LRRC69: variants seen among roughly 807,000 people sequenced by gnomAD.
LRRC69 encodes the protein leucine-rich repeat-containing protein 69.
In LRRC69, 42 loss-of-function variants were observed where a neutral mutation model predicts 37.8. The ratio of observed to expected loss-of-function variants is 1.11; its 90% CI spans 0.87 to 1.44. LRRC69 has a LOEUF of 1.44. Among genes scored for constraint, LRRC69 ranks in the 40% most tolerant of loss-of-function variants. LRRC69 has a pLI of 0.00. For synonymous variants in LRRC69, 141 were observed against 143.1 expected (o/e 0.99, Z 0.11); for missense variants, 357 against 401.9 (o/e 0.89, Z 0.96).
intron 2 of LRRC69, 149 bp downstream of exon 2, chr8:91,124,768 CA>C (rs1813690566): frequency 4.9e-6 from 3 of 616,372 alleles, no homozygotes; most frequent in Non-Finnish European, 8.0e-6. Context: ...TAGGAGGAGA[CA>C]ACACTTTTAA....
At chr8:91,107,761 C>A (rs1421675663) in intron 1 of LRRC69, among the ~76,000 whole-genome samples, 1 of 151,976 alleles carries the variant, frequency 6.6e-6, no homozygotes, top group African/African-American at 2.4e-5. Flanking sequence ...TCAGTCACTT[C>A]TAATGACAAT....
At chr8:91,174,214 C>T (rs961194939) in intron 5 of LRRC69, among the ~76,000 whole-genome samples, 5 of 151,966 alleles carry the variant, frequency 3.3e-5, no homozygotes, top group African/African-American at 1.2e-4. Flanking sequence ...AATCCTTTCC[C>T]CAGCCTGTAA....
At chr8:91,191,075 C>T (rs1377783854) in intron 6 of LRRC69, among the ~76,000 whole-genome samples, 1 of 133,914 alleles carries the variant, frequency 7.5e-6, no homozygotes, top group African/African-American at 2.7e-5. Flanking sequence ...GCAACAACAA[C>T]AAAAAGCAAA....
chr8:91,160,463 T>C (rs376193062), intron 5 of LRRC69, among the ~76,000 whole-genome samples: 1 of 151,160 alleles, frequency 6.6e-6, no homozygotes, highest in East Asian at 2.0e-4. Context: ...CCAAATCTCA[T>C]GTTGAATTGT....
intron 4 of LRRC69, among the ~76,000 whole-genome samples, chr8:91,133,598 T>C (rs975919990): frequency 1.3e-5 from 2 of 152,126 alleles, no homozygotes; most frequent in African/African-American, 4.8e-5. Flanking sequence ...AAATATTGCA[T>C]GGAATAGACT....
chr8:91,188,248 G>C (rs938167704), intron 5 of LRRC69, among the ~76,000 whole-genome samples: 4 of 152,128 alleles, frequency 2.6e-5, no homozygotes, highest in Non-Finnish European at 5.9e-5. Flanking sequence ...CTGTACTTTT[G>C]AAACCTAATG....
intron 5 of LRRC69, among the ~76,000 whole-genome samples, chr8:91,146,461 T>C (rs1421707893): frequency 6.6e-6 from 1 of 151,850 alleles, no homozygotes; most frequent in African/African-American, 2.4e-5. Flanking sequence ...AAAAATATTA[T>C]AAAGAGAGTC....
At chr8:91,149,660 A>G (rs1217242973) in intron 5 of LRRC69, among the ~76,000 whole-genome samples, 1 of 151,920 alleles carries the variant, frequency 6.6e-6, no homozygotes, top group Non-Finnish European at 1.5e-5. Context: ...CATTGAATCT[A>G]TAAATTACCT....
intron 5 of LRRC69, chr8:91,139,288 T>C (rs1808487666): frequency 1.3e-5 from 2 of 151,812 alleles, no homozygotes; most frequent in African/African-American, 2.4e-5. Context: ...ACGCCTGTAA[T>C]CCCAGCACTT....
At chr8:91,200,901 G>A in intron 7 of LRRC69, 109 bp downstream of exon 7, 2 of 1,009,594 alleles carry the variant, frequency 2.0e-6, no homozygotes, top group Non-Finnish European at 2.7e-6. Flanking sequence ...TGGCTTATAG[G>A]ATAGTATACT....
chr8:91,112,885 A>T (rs1813433607), intron 1 of LRRC69, among the ~76,000 whole-genome samples: 1 of 152,076 alleles, frequency 6.6e-6, no homozygotes, highest in Non-Finnish European at 1.5e-5. Context: ...GTTGCAGGTT[A>T]TAAAATCAAC....
At chr8:91,178,208 T>G (rs1423042392) in intron 5 of LRRC69, among the ~76,000 whole-genome samples, 1 of 152,122 alleles carries the variant, frequency 6.6e-6, no homozygotes, top group Non-Finnish European at 1.5e-5. Context: ...CTGCGATGGA[T>G]AAAATATGAT....
intron 2 of LRRC69, 64 bp downstream of exon 2, chr8:91,124,683 G>A (rs759180329): frequency 3.7e-6 from 5 of 1,356,214 alleles, no homozygotes; most frequent in Non-Finnish European, 4.9e-6. Flanking sequence ...TTAATAATAT[G>A]AGACTGAAAT....
chr8:91,148,928 T>C (rs532966730), intron 5 of LRRC69, among the ~76,000 whole-genome samples: 1 of 151,902 alleles, frequency 6.6e-6, no homozygotes, highest in South Asian at 2.1e-4. Context: ...TTTGATGGGG[T>C]TGTTTGTTTT....
chr8:91,108,017 A>G (rs1286465886), intron 1 of LRRC69, among the ~76,000 whole-genome samples: 1 of 152,070 alleles, frequency 6.6e-6, no homozygotes, highest in Non-Finnish European at 1.5e-5. Context: ...CAGGTAAAAC[A>G]AATAGCCATC....
At chr8:91,155,782 C>T (rs1188224316) in intron 5 of LRRC69, among the ~76,000 whole-genome samples, 1 of 150,400 alleles carries the variant, frequency 6.6e-6, no homozygotes, top group East Asian at 2.0e-4. Context: ...TAATGTCCTC[C>T]AGGTTCATCC....
intron 5 of LRRC69, among the ~76,000 whole-genome samples, chr8:91,142,782 ACTCCTTCTGCCTCT>A (rs1356493619): frequency 3.3e-5 from 5 of 151,408 alleles, no homozygotes; most frequent in Non-Finnish European, 5.9e-5. Context: ...CACTGTCAGG[ACTCCTTCTGCCTCT>A]GAGGAATCCA....
intron 6 of LRRC69, among the ~76,000 whole-genome samples, chr8:91,196,964 T>C (rs1809614247): frequency 6.6e-6 from 1 of 151,940 alleles, no homozygotes; most frequent in African/African-American, 2.4e-5. Flanking sequence ...TTTCCCCATC[T>C]TTGTGGTTTT....
chr8:91,123,133 A>G (rs1289710288), intron 1 of LRRC69, among the ~76,000 whole-genome samples: 1 of 152,092 alleles, frequency 6.6e-6, no homozygotes, highest in Non-Finnish European at 1.5e-5. Context: ...CAAACAGATC[A>G]TCCCCTGGAG....
Sources: allele counts gnomAD v4.1 joint callset (sites outside exome capture counted in the v4.1 genomes callset), GRCh38; gene constraint gnomAD v4.1.1; transcripts MANE v1.5; gene names NCBI Gene and HGNC (gene_info 2026-07-23, HGNC 2026-07-21).